The following GTF3C1 variants were observed in gnomAD, a reference collection of about 807,000 sequenced individuals.
The protein encoded by GTF3C1 is general transcription factor IIIC subunit 1.
A neutral mutation model predicts 226.7 loss-of-function variants in GTF3C1; 57 were observed. The observed-to-expected ratio is 0.25, with a 90% confidence interval of 0.20 to 0.31. The LOEUF is 0.31. Among genes scored for constraint, GTF3C1 ranks in the 10% least tolerant of loss-of-function variants. GTF3C1 has a pLI of 1.00. For missense variants in GTF3C1, 2,217 were observed against 2,776.1 expected (o/e 0.80, Z 4.53); for synonymous variants, 1,090 against 1,084.8 (o/e 1.00, Z -0.09).
In GTF3C1 at chr16:27,464,309, G is replaced by A. The variant is rs773565793; in HGVS notation, c.5872+11C>T. On this transcript the variant is annotated intron_variant, in intron 34 of 36. Coordinates refer to ENST00000356183, the MANE Select transcript of GTF3C1 (RefSeq NM_001520.4). ...GGGGTGAGGTGGGGTGGGGGACAAG[G>A]CGCGCGGTACCTCTGGGGTCTTCAG... The A allele has an allele frequency of 6.9e-7, 1 of 1,447,334 alleles. No individual in the cohort carries two copies. The highest frequency in any genetic ancestry group is 2.7e-5 in the Admixed American group (1 of 37,048). The allele number at this position is 1,447,334 out of a possible 1,614,324, so 89.7% of individuals were successfully genotyped here. A position where few individuals can be genotyped will look rare whatever the true frequency, so the allele number is the denominator to read the frequency against.
At chr16:27,528,485 T>C in intron 6 of GTF3C1, 113 bp downstream of exon 6, 1 of 833,352 alleles carries the variant, frequency 1.2e-6, no homozygotes, top group Non-Finnish European at 2.0e-6. Context: ...AATAAATATG[T>C]GAAATCATTA....
intron 2 of GTF3C1, among the ~76,000 whole-genome samples, chr16:27,542,056 C>T (rs1488187457): frequency 6.6e-6 from 1 of 152,206 alleles, no homozygotes; most frequent in African/African-American, 2.4e-5. Context: ...GCTGGGCACA[C>T]AAAGCTCCTC....
At chr16:27,465,707 G>A in intron 32 of GTF3C1, 167 bp from the exon 33 acceptor site, 2 of 613,552 alleles carry the variant, frequency 3.3e-6, no homozygotes. Context: ...CTGGCAGTCA[G>A]GCTCCTGATC....
chr16:27,526,869 T>C (rs2088841104), intron 6 of GTF3C1, among the ~76,000 whole-genome samples: 1 of 152,242 alleles, frequency 6.6e-6, no homozygotes, highest in Non-Finnish European at 1.5e-5. Flanking sequence ...AAAATGATTC[T>C]GGTTAATCAG....
chr16:27,506,221 G>A, intron 9 of GTF3C1, 105 bp from the exon 10 acceptor site: 1 of 647,586 alleles, frequency 1.5e-6, no homozygotes, highest in South Asian at 1.9e-5. Flanking sequence ...TCTGCTGAGA[G>A]TCAGTTGAAA....
chr16:27,544,168 T>TGCTTGAGCCCAGAAGTTTGAGACCA (rs1447961674), intron 2 of GTF3C1, among the ~76,000 whole-genome samples: 1 of 151,916 alleles, frequency 6.6e-6, no homozygotes, highest in African/African-American at 2.4e-5. Flanking sequence ...ATAGGAGGAT[T>TGCTTGAGCCCAGAAGTTTGAGACCA]GCTTGAGCCC....
rs766647048 is a variant in GTF3C1 at position 27,489,664 on chromosome 16, C to T, written c.3231G>A (p.Glu1077=). 5.6e-6 allele frequency: 9 copies of T among 1,611,944 alleles called. No homozygotes were observed. In the East Asian group the frequency reaches 1.8e-4, roughly 32 times the overall value. The change falls in exon 20 of 37, where the codon GAG becomes GAA. Residue 1077 remains glutamate (E), a synonymous_variant. Transcript: ENST00000356183. ...TGTGCTTGTCCATGGCGCTCTCCTG[C>T]TCCTTCTGCAGGCTGCCCTCCTCGT... is the stretch of plus-strand genomic sequence containing the variant. ...GSDEEGSLQK[E]QESAMDKHNL... is the part of the protein sequence containing the mutation.
At chr16:27,488,078 C>T (rs116880383) in intron 23 of GTF3C1, 149 bp downstream of exon 23, 7,411 of 634,522 alleles carry the variant, frequency 0.012, 65 homozygotes, top group Non-Finnish European at 0.014. Context: ...AATAAAGCAA[C>T]CATCATAGAG....
chr16:27,528,589 C>G lies in GTF3C1; in HGVS notation c.973+9G>C, dbSNP rs746133688. On this transcript the variant is annotated intron_variant, in intron 6 of 36. Transcript: ENST00000356183. ...AGCCAAGGGAACAGAAGCTGAGACTCTGCATTACCTTTCTTTGTCTTACAA... is the reference window on the plus strand; with the variant it reads ...AGCCAAGGGAACAGAAGCTGAGACTGTGCATTACCTTTCTTTGTCTTACAA... 2.5e-6 allele frequency: 4 copies of G among 1,609,904 alleles called. No homozygotes were observed. Among genetic ancestry groups the G allele is most frequent in the Non-Finnish European group, 2.5e-6 (3 of 1,176,598 alleles).
At chr16:27,530,227 G>A (rs948878964) in intron 5 of GTF3C1, among the ~76,000 whole-genome samples, 1 of 152,184 alleles carries the variant, frequency 6.6e-6, no homozygotes, top group East Asian at 1.9e-4. Flanking sequence ...CAGAACATAT[G>A]GCTATCAAAA....
intron 4 of GTF3C1, among the ~76,000 whole-genome samples, chr16:27,537,535 G>A (rs1020887566): frequency 6.6e-6 from 1 of 152,042 alleles, no homozygotes. Flanking sequence ...TCAGCCTCCT[G>A]AGTAGTTGGG....
chr16:27,538,029 C>T lies in GTF3C1; in HGVS notation c.609-102G>A, dbSNP rs899150320. The T allele has an allele frequency of 2.9e-6, 4 of 1,390,438 alleles. No individual in the cohort carries two copies. The African/African-American group carries it at 4.3e-5, about 15-fold the overall frequency. 86.1% of individuals were successfully genotyped at this position (1,390,438 alleles called of 1,614,324 possible). A position where few individuals can be genotyped will look rare whatever the true frequency, so the allele number is the denominator to read the frequency against. On this transcript the variant is annotated intron_variant, in intron 3 of 36. Transcript: ENST00000356183. ...AACACCAGAGACACAAACCTCCTGT[C>T]CAGCCAACCTAAGAAAACAGTCACT...
At chr16:27,482,713 C>G in intron 26 of GTF3C1, 1 of 440,210 alleles carries the variant, frequency 2.3e-6, no homozygotes, top group East Asian at 6.5e-5. Context: ...ACAGAAAACT[C>G]GGAAAGAAAA....
chr16:27,475,161 G>C (rs1398544118), intron 29 of GTF3C1, among the ~76,000 whole-genome samples: 1 of 152,194 alleles, frequency 6.6e-6, no homozygotes, highest in Non-Finnish European at 1.5e-5. Flanking sequence ...TTCTGCAAGG[G>C]TGGCCCATGG....
At chr16:27,538,971 T>TACATAC (rs1555505405) in intron 2 of GTF3C1, among the ~76,000 whole-genome samples, 1 of 124,588 alleles carries the variant, frequency 8.0e-6, no homozygotes, top group African/African-American at 3.2e-5. Context: ...TACACACATA[T>TACATAC]ACACACACAC....
chr16:27,512,029 A>C, intron 6 of GTF3C1, 128 bp from the exon 7 acceptor site: 1 of 990,900 alleles, frequency 1.0e-6, no homozygotes, highest in Non-Finnish European at 1.5e-6. Context: ...CACACATATC[A>C]CCGTGTCTGG....
rs1188782129 is a variant in GTF3C1, at chr16:27,506,859, T to G, written c.1540A>C (p.Thr514Pro). Residue 514 changes from threonine to proline, a missense_variant, in exon 9 of 37, where the codon ACC becomes CCC. Coordinates refer to ENST00000356183, the MANE Select transcript of GTF3C1 (RefSeq NM_001520.4). ...LRPKTQPHHS[T>P]PTKGGWKVVN... ...ACGTGCTCCCTACCCTTGGTTGGGG[T>G]GGAGTGATGAGGCTGGGTCTTGGGC... is the stretch of plus-strand genomic sequence containing the variant. 8 of 1,607,460 alleles carry G rather than the reference T, an allele frequency of 5.0e-6. No individual in the cohort carries two copies. Among genetic ancestry groups the G allele is most frequent in the Non-Finnish European group, 6.8e-6 (8 of 1,176,824 alleles).
At chr16:27,505,129 A>T (rs1041912148) in intron 10 of GTF3C1, among the ~76,000 whole-genome samples, 1 of 152,212 alleles carries the variant, frequency 6.6e-6, no homozygotes, top group African/African-American at 2.4e-5. Flanking sequence ...ACCGAATCAC[A>T]TAATGGGAAA....
intron 6 of GTF3C1, among the ~76,000 whole-genome samples, chr16:27,524,391 T>TATCAA (rs2088798955): frequency 6.6e-6 from 1 of 152,224 alleles, no homozygotes; most frequent in African/African-American, 2.4e-5. Context: ...GCCTGTGTGT[T>TATCAA]ATCAGCCTGT....
Sources: allele counts gnomAD v4.1 joint callset (sites outside exome capture counted in the v4.1 genomes callset), GRCh38; gene constraint gnomAD v4.1.1; transcripts MANE v1.5; gene names NCBI Gene and HGNC (gene_info 2026-07-23, HGNC 2026-07-21).